The following GRID2 variants were observed in gnomAD, a reference collection of about 807,000 sequenced individuals.
GRID2 encodes glutamate ionotropic receptor delta type subunit 2.
GRID2 carries 33 observed loss-of-function variants against 114.8 expected under a neutral mutation model. The observed-to-expected ratio is 0.29, with a 90% CI of 0.22 to 0.38. The LOEUF is 0.38. Ranked by LOEUF, GRID2 falls within the 10% of genes least tolerant of loss-of-function variation. The pLI is 1.00. For missense variants in GRID2, 1,184 were observed against 1,257.7 expected (o/e 0.94, Z 0.89); for synonymous variants, 505 against 449.9 (o/e 1.12, Z -1.55).
intron 5 of GRID2, 117 bp downstream of exon 5, chr4:93,207,574 C>T (rs1466780538): frequency 1.7e-5 from 11 of 663,730 alleles, no homozygotes; most frequent in Non-Finnish European, 3.0e-5. Context: ...AAACATTCAA[C>T]TTACTGAGTG....
In GRID2 at chr4:92,976,432, T is replaced by C. The variant is rs574659960; in HGVS notation, c.245-108563T>C. Among the ~76,000 whole-genome samples the C allele has an allele frequency of 6.6e-5, 10 of 152,264 alleles. No individual in the cohort carries two copies. In the South Asian group the frequency reaches 2.1e-3, roughly 32 times the overall value. On this transcript the variant is annotated intron_variant, in intron 2 of 15. Transcript: ENST00000282020. ...ATGTACATTTATGCAGTTGTAGCAA[T>C]TGAACCTGTGCTGTGTGTGTTCTAT...
chr4:92,314,911 C>A (rs1313251615), intron 1 of GRID2, among the ~76,000 whole-genome samples: 1 of 152,028 alleles, frequency 6.6e-6, no homozygotes, highest in African/African-American at 2.4e-5. Context: ...ACAATAAATT[C>A]ATTTGGCATA....
At chr4:92,659,997 T>G (rs1732444799) in intron 2 of GRID2, among the ~76,000 whole-genome samples, 1 of 151,464 alleles carries the variant, frequency 6.6e-6, no homozygotes, top group African/African-American at 2.4e-5. Context: ...CTCTTCTGTT[T>G]TCCGAAATTT....
chr4:92,381,486 T>G (rs1056706580), intron 1 of GRID2, among the ~76,000 whole-genome samples: 2 of 148,286 alleles, frequency 1.3e-5, no homozygotes, highest in African/African-American at 4.9e-5. Flanking sequence ...ATGTAAACTC[T>G]ATGGTAATAT....
chr4:93,109,002 G>C (rs1214606203), intron 3 of GRID2, among the ~76,000 whole-genome samples: 3 of 152,132 alleles, frequency 2.0e-5, no homozygotes, highest in Admixed American at 6.6e-5. Flanking sequence ...AAGTTTCTCA[G>C]ATGATTCTGA....
chr4:92,591,124 C>T (rs13103873), intron 2 of GRID2, among the ~76,000 whole-genome samples: 40,894 of 151,852 alleles, frequency 0.27, 5,639 homozygotes, highest in Middle Eastern at 0.36. Flanking sequence ...GAGGTGGGGC[C>T]TTCAGGAGAT....
rs1478870074 is a variant in GRID2 at position 93,591,609 on chromosome 4, T to G, written c.2194-34660T>G. On this transcript the variant is annotated intron_variant, in intron 13 of 15. Transcript: ENST00000282020. ...GAGGATTCCCTCTTTTTCTATTTATTGGAATAGTTTCAGAAGGAATGGTAC... is the reference window on the plus strand; with the variant it reads ...GAGGATTCCCTCTTTTTCTATTTATGGGAATAGTTTCAGAAGGAATGGTAC... Among the ~76,000 whole-genome samples, 8 of 152,106 alleles carry G rather than the reference T, an allele frequency of 5.3e-5. No individual in the cohort carries two copies. In the East Asian group the frequency reaches 1.5e-3, roughly 29 times the overall value.
intron 4 of GRID2, among the ~76,000 whole-genome samples, chr4:93,182,165 C>G (rs1304261278): frequency 6.6e-6 from 1 of 152,096 alleles, no homozygotes; most frequent in African/African-American, 2.4e-5. Flanking sequence ...ATGGTCTTCT[C>G]CAAATCTAAT....
Position 93,238,507 on chromosome 4 carries a change from T to G in GRID2, c.1245+17T>G, listed in dbSNP as rs17020286. The G allele has an allele frequency of 6.2e-7, 1 of 1,603,072 alleles. No homozygotes were observed. The highest frequency in any genetic ancestry group is 1.1e-5 in the South Asian group (1 of 90,650). On this transcript the variant is annotated intron_variant, in intron 8 of 15. Transcript: ENST00000282020. ...GTTCGAAAAGTAAGACAAGACACAC[T>G]GATTAATACGCTTTTTCCTATACTA... is the stretch of plus-strand genomic sequence containing the variant.
At chr4:93,698,728 C>T (rs1727257502) in intron 14 of GRID2, among the ~76,000 whole-genome samples, 1 of 151,824 alleles carries the variant, frequency 6.6e-6, no homozygotes, top group Non-Finnish European at 1.5e-5. Context: ...TTGTGTTAGT[C>T]CATTTAACTT....
chr4:92,578,767 C>T (rs1261805039), intron 1 of GRID2, among the ~76,000 whole-genome samples: 1 of 108,294 alleles, frequency 9.2e-6, no homozygotes, highest in East Asian at 2.9e-4. Context: ...TATCTATCTA[C>T]ATATTTGAAT....
At chr4:92,936,986 G>A (rs952027457) in intron 2 of GRID2, among the ~76,000 whole-genome samples, 2 of 145,384 alleles carry the variant, frequency 1.4e-5, no homozygotes, top group African/African-American at 4.9e-5. Context: ...TTTCTTTTTT[G>A]GAGAAATGTC....
intron 8 of GRID2, among the ~76,000 whole-genome samples, chr4:93,314,303 C>CAAAAA (rs56977080): frequency 3.0e-4 from 16 of 54,138 alleles, no homozygotes; most frequent in Non-Finnish European, 3.4e-4. Context: ...GAGTCTGTCT[C>CAAAAA]AAAAAAAAAA....
chr4:92,354,143 A>G (rs934140213), intron 1 of GRID2, among the ~76,000 whole-genome samples: 1 of 152,038 alleles, frequency 6.6e-6, no homozygotes, highest in Non-Finnish European at 1.5e-5. Context: ...CTCCAGAACC[A>G]GGGACCAGCG....
At chr4:93,088,125 C>T (rs1219827898) in intron 3 of GRID2, among the ~76,000 whole-genome samples, 1 of 151,924 alleles carries the variant, frequency 6.6e-6, no homozygotes, top group Non-Finnish European at 1.5e-5. Flanking sequence ...TTAGAGAAAC[C>T]TCCTTTTCAA....
At chr4:92,652,525 A>AG (rs1445423436) in intron 2 of GRID2, among the ~76,000 whole-genome samples, 1 of 151,574 alleles carries the variant, frequency 6.6e-6, no homozygotes, top group Non-Finnish European at 1.5e-5. Context: ...AAAAAAAAAA[A>AG]TTAAAAGTTA....
intron 2 of GRID2, among the ~76,000 whole-genome samples, chr4:92,608,124 G>T (rs1321305093): frequency 1.3e-5 from 2 of 151,722 alleles, no homozygotes; most frequent in African/African-American, 4.8e-5. Flanking sequence ...GGAGGTAGGG[G>T]CTGGAAGATA....
chr4:93,689,040 T>C lies in GRID2; in HGVS notation c.2360+62605T>C, dbSNP rs200374016. ...TCCATAGGATGACCCTTAAAAAAGA[T>C]GACTGTTGTCCTTACATGAAGATGA... On this transcript the variant is annotated intron_variant, in intron 14 of 15. Coordinates refer to ENST00000282020, the MANE Select transcript of GRID2 (RefSeq NM_001510.4). Among the ~76,000 whole-genome samples, 6 of 152,006 alleles carry C rather than the reference T, an allele frequency of 3.9e-5. No individual in the cohort carries two copies. In the East Asian group the frequency reaches 1.2e-3, roughly 29 times the overall value.
chr4:92,768,497 C>T (rs1225099077), intron 2 of GRID2, among the ~76,000 whole-genome samples: 2 of 152,120 alleles, frequency 1.3e-5, no homozygotes, highest in African/African-American at 4.8e-5. Context: ...ATCTGAAAGA[C>T]TTTTTCAATC....
Sources: gnomAD v4.1 joint callset for allele counts (sites outside exome capture counted in the v4.1 genomes callset) on GRCh38, gnomAD v4.1.1 for gene constraint, MANE v1.5 for transcripts, NCBI Gene and HGNC (gene_info 2026-07-23, HGNC 2026-07-21) for gene names.